The following KAZN variants were observed in gnomAD, a reference collection of about 807,000 sequenced individuals.
KAZN encodes the protein kazrin, periplakin interacting protein.
KAZN carries 40 observed loss-of-function variants against 87.4 expected under a neutral mutation model. That is an observed-to-expected ratio of 0.46 (90% CI 0.36 to 0.60). The LOEUF (loss-of-function observed/expected upper bound fraction) is 0.60, where lower values mean the gene tolerates loss of function less well. KAZN is among the 20% of genes least tolerant of loss of function. The probability of loss-of-function intolerance (pLI) is 0.00; values close to 1 mark genes in which losing one functional copy is unlikely to be tolerated. For synonymous variants in KAZN, 466 were observed against 458.3 expected (o/e 1.02, Z -0.22); for missense variants, 898 against 1,073.9 (o/e 0.84, Z 2.29).
chr1:15,046,474 G>A (rs558431416), intron 4 of KAZN, among the ~76,000 whole-genome samples: 66 of 152,182 alleles, frequency 4.3e-4, no homozygotes, highest in South Asian at 4.0e-3. Context: ...AAGAAAATCC[G>A]CCGATAATCA....
At chr1:14,994,947 G>A (rs1667722698) in intron 2 of KAZN, among the ~76,000 whole-genome samples, 1 of 152,252 alleles carries the variant, frequency 6.6e-6, no homozygotes, top group South Asian at 2.1e-4. Flanking sequence ...GACACAGCAT[G>A]GAGTAGGCCG....
intron 1 of KAZN, among the ~76,000 whole-genome samples, chr1:13,989,355 C>G (rs187858358): frequency 6.6e-6 from 1 of 152,028 alleles, no homozygotes; most frequent in South Asian, 2.1e-4. Context: ...TGGGGTTACA[C>G]GGATGAACTA....
At chr1:14,182,557 C>G (rs907120091) in intron 2 of KAZN, among the ~76,000 whole-genome samples, 1 of 152,180 alleles carries the variant, frequency 6.6e-6, no homozygotes, top group East Asian at 1.9e-4. Context: ...CTGCTAACCC[C>G]AGTCCTGTAT....
intron 1 of KAZN, among the ~76,000 whole-genome samples, chr1:14,748,319 G>A (rs1017885063): frequency 3.9e-5 from 6 of 152,180 alleles, no homozygotes; most frequent in Non-Finnish European, 8.8e-5. Flanking sequence ...GGAATGCAAG[G>A]AACTTAGCTC....
chr1:13,915,162 G>A (rs1639799980), intron 1 of KAZN, among the ~76,000 whole-genome samples: 1 of 152,158 alleles, frequency 6.6e-6, no homozygotes, highest in Admixed American at 6.5e-5. Flanking sequence ...CATGCACACA[G>A]ACACAAACAC....
At chr1:13,922,313 G>A (rs979029637) in intron 1 of KAZN, among the ~76,000 whole-genome samples, 1 of 152,042 alleles carries the variant, frequency 6.6e-6, no homozygotes, top group Admixed American at 6.5e-5. Context: ...ATTAGACTTT[G>A]GGCCACTTGA....
At chr1:14,780,334 A>C (rs1208623059) in intron 1 of KAZN, among the ~76,000 whole-genome samples, 1 of 151,992 alleles carries the variant, frequency 6.6e-6, no homozygotes, top group Non-Finnish European at 1.5e-5. Context: ...TTCCTAGCGC[A>C]TCTCTCTAGC....
chr1:14,283,284 C>A (rs1282762683), intron 2 of KAZN, among the ~76,000 whole-genome samples: 2 of 152,182 alleles, frequency 1.3e-5, no homozygotes, highest in African/African-American at 4.8e-5. Context: ...TGAGGCTGAA[C>A]TCCTGCTTGT....
intron 1 of KAZN, among the ~76,000 whole-genome samples, chr1:14,918,692 A>T (rs1658109230): frequency 1.5e-5 from 1 of 67,218 alleles, no homozygotes; most frequent in African/African-American, 7.8e-5. Flanking sequence ...AAAAAAAAAA[A>T]AAAAAAAAAA....
rs144326816 is a variant in KAZN at position 14,416,998 on chromosome 1, A to G, written c.250-181985A>G. On this transcript the variant is annotated intron_variant, in intron 2 of 16. Coordinates refer to the KAZN transcript ENST00000636203. Reference sequence around the variant, plus strand: ...TATATATGTGTATATATATGTGTGTATGTATATATATGTACACACACACAC... The same window carrying G: ...TATATATGTGTATATATATGTGTGTGTGTATATATATGTACACACACACAC... Among the ~76,000 whole-genome samples the G allele has an allele frequency of 4.6e-3, 393 of 84,528 alleles. 3 individuals are homozygous for G. Among genetic ancestry groups the G allele is most frequent in the Non-Finnish European group, 1.4e-3 (59 of 41,002 alleles). The allele number at this position is 84,528 out of a possible 152,430, so 55.5% of individuals were successfully genotyped here.
intron 1 of KAZN, among the ~76,000 whole-genome samples, chr1:14,068,366 T>C (rs1198326473): frequency 1.3e-5 from 2 of 152,242 alleles, no homozygotes; most frequent in African/African-American, 2.4e-5. Context: ...CTTCTTACCT[T>C]GTGGGCTCCA....
chr1:14,008,397 A>C (rs186495326), intron 1 of KAZN, among the ~76,000 whole-genome samples: 1 of 152,328 alleles, frequency 6.6e-6, no homozygotes, highest in East Asian at 1.9e-4. Flanking sequence ...TGATGAAAAA[A>C]ATCTGCTGAA....
Position 14,626,888 on chromosome 1 carries a change from C to T in KAZN, c.226+27665C>T, listed in dbSNP as rs550788162. Among the ~76,000 whole-genome samples the T allele has an allele frequency of 5.3e-4, 80 of 152,286 alleles. 2 individuals are homozygous for T. The South Asian group carries it at 0.016, about 31-fold the overall frequency. On this transcript the variant is annotated intron_variant, in intron 1 of 14. Coordinates refer to ENST00000376030, the MANE Select transcript of KAZN (RefSeq NM_201628.3). ...TCATGCAAAAAAACATTCCACTGAT[C>T]CTTAAGTGCCACTTCTGGGAAGCCT... is the stretch of plus-strand genomic sequence containing the variant.
chr1:14,828,331 T>A (rs1646956899), intron 1 of KAZN, among the ~76,000 whole-genome samples: 2 of 152,270 alleles, frequency 1.3e-5, no homozygotes, highest in South Asian at 4.1e-4. Context: ...CTCAATTGTT[T>A]TATTTTCGTC....
chr1:14,670,892 A>G (rs1051622303), intron 1 of KAZN, among the ~76,000 whole-genome samples: 4 of 152,230 alleles, frequency 2.6e-5, no homozygotes, highest in South Asian at 2.1e-4. Flanking sequence ...TCTGAGGAAC[A>G]TTTGACAATG....
chr1:14,349,755 G>A (rs975025814), intron 2 of KAZN, among the ~76,000 whole-genome samples: 7 of 152,170 alleles, frequency 4.6e-5, no homozygotes, highest in African/African-American at 1.7e-4. Flanking sequence ...GCTGATCAGG[G>A]GATGTGAGGT....
At chr1:14,947,635 G>T (rs916486908) in intron 1 of KAZN, among the ~76,000 whole-genome samples, 1 of 152,288 alleles carries the variant, frequency 6.6e-6, no homozygotes, top group East Asian at 1.9e-4. Flanking sequence ...ACCAGCCGGG[G>T]TTGGGATCCA....
At chr1:14,718,245 T>C (rs1642910944) in intron 1 of KAZN, among the ~76,000 whole-genome samples, 1 of 152,238 alleles carries the variant, frequency 6.6e-6, no homozygotes, top group Non-Finnish European at 1.5e-5. Context: ...TTCCGTTAAG[T>C]GCCCATCTCC....
chr1:14,580,575 A>G (rs992250964), intron 2 of KAZN, among the ~76,000 whole-genome samples: 3 of 152,196 alleles, frequency 2.0e-5, no homozygotes, highest in Non-Finnish European at 4.4e-5. Flanking sequence ...GTTAGTGGAT[A>G]TGGAGGGGCT....
Sources: allele counts gnomAD v4.1 joint callset (sites outside exome capture counted in the v4.1 genomes callset), GRCh38; gene constraint gnomAD v4.1.1; transcripts MANE v1.5; gene names NCBI Gene and HGNC (gene_info 2026-07-23, HGNC 2026-07-21).